The following RPS6KA6 variants were observed in gnomAD, a reference collection of about 807,000 sequenced individuals.
RPS6KA6 encodes ribosomal protein S6 kinase alpha-6.
Under a neutral mutation model 65.4 loss-of-function variants are expected in RPS6KA6, and 27 were observed. The ratio of observed to expected loss-of-function variants is 0.41; its 90% CI spans 0.30 to 0.57. The LOEUF is 0.57. RPS6KA6 is among the 20% of genes least tolerant of loss of function. RPS6KA6 has a pLI of 0.24. For synonymous variants in RPS6KA6, 190 were observed against 184.2 expected (o/e 1.03, Z -0.26); for missense variants, 486 against 555.6 (o/e 0.87, Z 1.26).
intron 1 of RPS6KA6, among the ~76,000 whole-genome samples, chrX:84,165,816 A>G (rs1489243712): frequency 9.0e-6 from 1 of 111,426 alleles, no homozygotes; most frequent in Non-Finnish European, 1.9e-5. Flanking sequence ...TTCATCCAAA[A>G]GGCAGCTCCA....
intron 18 of RPS6KA6, among the ~76,000 whole-genome samples, chrX:84,099,032 C>A (rs1427521133): frequency 9.0e-6 from 1 of 111,115 alleles, no homozygotes; most frequent in Non-Finnish European, 1.9e-5. Flanking sequence ...CAGTTCCAAT[C>A]ATCACCATGT....
At chrX:84,082,565 T>C (rs1051860551) in intron 20 of RPS6KA6, among the ~76,000 whole-genome samples, 6 of 111,931 alleles carry the variant, frequency 5.4e-5, no homozygotes, top group Non-Finnish European at 1.1e-4. Context: ...CAAGCTACCA[T>C]TGACTTTCTT....
chrX:84,105,102 T>A (rs951373985), intron 16 of RPS6KA6, among the ~76,000 whole-genome samples: 7 of 110,554 alleles, frequency 6.3e-5, no homozygotes, highest in African/African-American at 2.3e-4. Flanking sequence ...ACTGGTTGAA[T>A]TCCAATAGTA....
intron 1 of RPS6KA6, among the ~76,000 whole-genome samples, chrX:84,170,984 A>T (rs182459291): frequency 9.0e-6 from 1 of 111,696 alleles, no homozygotes; most frequent in African/African-American, 3.3e-5. Context: ...GACTGTGGCC[A>T]TCCTCTAGGA....
intron 9 of RPS6KA6, 31 bp downstream of exon 9, chrX:84,119,854 T>G (rs754081472): frequency 1.8e-6 from 2 of 1,094,502 alleles, no homozygotes; most frequent in African/African-American, 3.8e-5. Flanking sequence ...AATCACAGGT[T>G]GGCATAATTA....
At chrX:84,117,184 T>G in intron 10 of RPS6KA6, 36 bp from the exon 11 acceptor site, 1 of 1,047,148 alleles carries the variant, frequency 9.5e-7, no homozygotes. Context: ...TCACTTAAAT[T>G]TAGCCACATT....
chrX:84,120,766 A>G lies in RPS6KA6; in HGVS notation c.647-739T>C, dbSNP rs1337540607. On this transcript the variant is annotated intron_variant, in intron 8 of 21. Transcript: ENST00000262752. ...GATATACCAATTCAATGAAACTTCA[A>G]TAAAATCCCAGCAAAATTTCTTTTG... 1.6e-4 allele frequency among the ~76,000 whole-genome samples: 18 copies of G among 112,012 alleles called. No homozygotes were observed. In the Admixed American group the frequency reaches 1.7e-3, roughly 11 times the overall value.
chrX:84,064,806 A>G (rs1401334293), intron 21 of RPS6KA6, among the ~76,000 whole-genome samples, 165 bp downstream of exon 21: 1 of 112,031 alleles, frequency 8.9e-6, no homozygotes. Flanking sequence ...GAAAGGCAGT[A>G]GTAAAGTAAG....
At chrX:84,117,755 A>G (rs1390095872) in intron 9 of RPS6KA6, among the ~76,000 whole-genome samples, 1 of 111,701 alleles carries the variant, frequency 9.0e-6, no homozygotes, top group Non-Finnish European at 1.9e-5. Context: ...AATACACACA[A>G]TGCATTTTCT....
chrX:84,106,275 C>A, intron 15 of RPS6KA6, 90 bp downstream of exon 15: 1 of 799,924 alleles, frequency 1.3e-6, no homozygotes, highest in South Asian at 2.5e-5. Flanking sequence ...TTCCTATCTT[C>A]ATTTACTCCA....
At chrX:84,120,116 A>T in intron 8 of RPS6KA6, 89 bp from the exon 9 acceptor site, 1 of 630,326 alleles carries the variant, frequency 1.6e-6, no homozygotes. Context: ...ATTAAACATT[A>T]CAATTATTTA....
At chrX:84,099,787 T>C (rs981444179) in intron 18 of RPS6KA6, among the ~76,000 whole-genome samples, 2 of 110,946 alleles carry the variant, frequency 1.8e-5, no homozygotes, top group African/African-American at 6.5e-5. Context: ...GAAAAGCACA[T>C]CTACCTAATA....
chrX:84,113,327 T>A (rs990879015), intron 12 of RPS6KA6, among the ~76,000 whole-genome samples: 2 of 111,354 alleles, frequency 1.8e-5, no homozygotes, highest in Non-Finnish European at 3.8e-5. Flanking sequence ...ACCGGTATCA[T>A]CCTGAGAGCA....
chrX:84,090,728 C>T (rs1299111772), intron 20 of RPS6KA6, among the ~76,000 whole-genome samples: 1 of 111,700 alleles, frequency 9.0e-6, no homozygotes, highest in Non-Finnish European at 1.9e-5. Context: ...ATTCAGTTAC[C>T]TCCATCTGTT....
intron 3 of RPS6KA6, among the ~76,000 whole-genome samples, chrX:84,150,406 A>G (rs1204325389): frequency 9.0e-6 from 1 of 111,607 alleles, no homozygotes; most frequent in African/African-American, 3.3e-5. Flanking sequence ...TCAGATTTTG[A>G]CATGCCTTCC....
At chrX:84,065,894 T>C (rs995864128) in intron 20 of RPS6KA6, among the ~76,000 whole-genome samples, 5 of 111,120 alleles carry the variant, frequency 4.5e-5, no homozygotes, top group African/African-American at 1.3e-4. Context: ...GGTGGGTGAT[T>C]TCTCCATTTA....
intron 8 of RPS6KA6, among the ~76,000 whole-genome samples, chrX:84,127,212 C>T (rs183499674): frequency 1.2e-4 from 13 of 110,721 alleles, no homozygotes; most frequent in Non-Finnish European, 2.1e-4. Context: ...CAACTACATG[C>T]CAATAAATGG....
intron 6 of RPS6KA6, among the ~76,000 whole-genome samples, chrX:84,144,574 G>C (rs867941275): frequency 1.8e-5 from 2 of 111,265 alleles, no homozygotes; most frequent in Admixed American, 9.6e-5. Flanking sequence ...TACGCTGCTG[G>C]TGGGAATGTA....
At chrX:84,117,632 ACTCT>A (rs1311219837) in intron 9 of RPS6KA6, among the ~76,000 whole-genome samples, 178 bp from the exon 10 acceptor site, 1 of 110,078 alleles carries the variant, frequency 9.1e-6, no homozygotes, top group African/African-American at 3.3e-5. Flanking sequence ...CTGGTATCCC[ACTCT>A]CTCTCTCTAT....
Sources: allele counts gnomAD v4.1 joint callset (sites outside exome capture counted in the v4.1 genomes callset), GRCh38; gene constraint gnomAD v4.1.1; transcripts MANE v1.5; gene names NCBI Gene and HGNC (gene_info 2026-07-23, HGNC 2026-07-21).